RBFOX1: variants seen among roughly 807,000 people sequenced by gnomAD.
The protein encoded by RBFOX1 is RNA binding fox-1 homolog 1.
In RBFOX1, 8 loss-of-function variants were observed where a neutral mutation model predicts 57.7. That is an observed-to-expected ratio of 0.14 (90% confidence interval 0.08 to 0.25). RBFOX1 has a LOEUF of 0.25. RBFOX1 is among the 10% of genes least tolerant of loss of function. RBFOX1 has a pLI of 1.00. For synonymous variants in RBFOX1, 326 were observed against 222.4 expected (o/e 1.47, Z -4.15); for missense variants, 611 against 548.5 (o/e 1.11, Z -1.14).
At chr16:6,250,605 CTT>C (rs1050554394) in intron 1 of RBFOX1, among the ~76,000 whole-genome samples, 2 of 152,104 alleles carry the variant, frequency 1.3e-5, no homozygotes, top group Non-Finnish European at 2.9e-5. Context: ...ACCCAGGCCT[CTT>C]TTATGCTCTG....
intron 3 of RBFOX1, among the ~76,000 whole-genome samples, chr16:6,808,082 TACTC>T (rs953748229): frequency 4.7e-5 from 7 of 150,394 alleles, no homozygotes; most frequent in African/African-American, 1.5e-4. Flanking sequence ...TATATAATCA[TACTC>T]AATAGAACTA....
At chr16:7,146,222 C>G (rs1452347821) in intron 4 of RBFOX1, among the ~76,000 whole-genome samples, 3 of 64,864 alleles carry the variant, frequency 4.6e-5, no homozygotes, top group Non-Finnish European at 7.0e-5. Flanking sequence ...GATACTGGGC[C>G]TCACAATCCA....
chr16:6,484,109 G>T (rs990981227), intron 2 of RBFOX1, among the ~76,000 whole-genome samples: 1 of 152,132 alleles, frequency 6.6e-6, no homozygotes, highest in Admixed American at 6.5e-5. Flanking sequence ...AATGCTCATT[G>T]GCTCCGTTTA....
chr16:6,815,057 T>C (rs2089756277), intron 3 of RBFOX1, among the ~76,000 whole-genome samples: 1 of 152,152 alleles, frequency 6.6e-6, no homozygotes, highest in African/African-American at 2.4e-5. Context: ...TCATAGTTTT[T>C]CCCGGAAAGC....
At chr16:6,133,840 C>T (rs903978088) in intron 1 of RBFOX1, among the ~76,000 whole-genome samples, 1 of 152,198 alleles carries the variant, frequency 6.6e-6, no homozygotes, top group East Asian at 1.9e-4. Flanking sequence ...AGTACACACA[C>T]ACACACGTTT....
intron 3 of RBFOX1, among the ~76,000 whole-genome samples, chr16:6,815,939 A>G (rs1026814051): frequency 6.6e-6 from 1 of 152,244 alleles, no homozygotes; most frequent in African/African-American, 2.4e-5. Flanking sequence ...GAAGTAAGAA[A>G]CTTGAAGATC....
chr16:7,066,815 C>G (rs2056165972), intron 4 of RBFOX1, among the ~76,000 whole-genome samples: 1 of 152,126 alleles, frequency 6.6e-6, no homozygotes, highest in African/African-American at 2.4e-5. Flanking sequence ...ATAAGAGGAG[C>G]ACTTGATGTC....
chr16:5,560,865 C>G (rs1185270235), intron 2 of RBFOX1, among the ~76,000 whole-genome samples: 1 of 152,200 alleles, frequency 6.6e-6, no homozygotes, highest in Non-Finnish European at 1.5e-5. Flanking sequence ...CACTCTGCCT[C>G]TGAAGGCAGC....
chr16:7,205,538 A>G (rs926673282), intron 4 of RBFOX1, among the ~76,000 whole-genome samples: 1 of 151,966 alleles, frequency 6.6e-6, no homozygotes, highest in Non-Finnish European at 1.5e-5. Flanking sequence ...AGAAAAAGAA[A>G]AAAAAGAAAA....
intron 4 of RBFOX1, among the ~76,000 whole-genome samples, chr16:7,289,077 C>T (rs1603503183): frequency 6.6e-6 from 1 of 152,008 alleles, no homozygotes; most frequent in Non-Finnish European, 1.5e-5. Flanking sequence ...ACAGAGTTAC[C>T]CAGAAGAACA....
At chr16:7,597,225 T>C (rs987333649) in intron 8 of RBFOX1, 146 bp from the exon 9 acceptor site, 3 of 539,000 alleles carry the variant, frequency 5.6e-6, no homozygotes, top group South Asian at 5.9e-5. Context: ...GATTTTGTTA[T>C]GCACCTACTG....
At chr16:5,834,244 T>C (rs2056378630) in intron 3 of RBFOX1, among the ~76,000 whole-genome samples, 1 of 152,194 alleles carries the variant, frequency 6.6e-6, no homozygotes, top group African/African-American at 2.4e-5. Flanking sequence ...TTGTACCCAG[T>C]AGGTAGTTTT....
intron 2 of RBFOX1, among the ~76,000 whole-genome samples, chr16:6,541,009 A>G (rs1287017756): frequency 6.6e-6 from 1 of 152,212 alleles, no homozygotes; most frequent in African/African-American, 2.4e-5. Flanking sequence ...AAGAGCAAGC[A>G]TGAGTGAATC....
At chr16:7,617,846 T>G (rs1220715026) in intron 10 of RBFOX1, among the ~76,000 whole-genome samples, 1 of 152,136 alleles carries the variant, frequency 6.6e-6, no homozygotes, top group Non-Finnish European at 1.5e-5. Flanking sequence ...CAAGGCTCTC[T>G]GCATGAGGAG....
chr16:7,671,647 T>G (rs760615300), intron 13 of RBFOX1: 2 of 1,539,372 alleles, frequency 1.3e-6, no homozygotes, highest in East Asian at 2.2e-5. Flanking sequence ...GATTGTGGGT[T>G]TGCTGTGAAA....
At chr16:6,957,512 C>G (rs910225843) in intron 3 of RBFOX1, among the ~76,000 whole-genome samples, 1 of 152,150 alleles carries the variant, frequency 6.6e-6, no homozygotes, top group Non-Finnish European at 1.5e-5. Context: ...TATAAACTTT[C>G]ACCGTGCTGG....
intron 13 of RBFOX1, among the ~76,000 whole-genome samples, chr16:7,675,144 A>G (rs1453806523): frequency 6.6e-6 from 1 of 152,220 alleles, no homozygotes; most frequent in Non-Finnish European, 1.5e-5. Flanking sequence ...GCACACCTGT[A>G]TCTTTCTGTG....
intron 4 of RBFOX1, among the ~76,000 whole-genome samples, chr16:5,941,419 G>A (rs35176794): frequency 0.34 from 52,069 of 151,300 alleles, 9,223 homozygotes; most frequent in Middle Eastern, 0.48. Context: ...GAGCCCAGGA[G>A]TTTGACATTG....
intron 2 of RBFOX1, among the ~76,000 whole-genome samples, chr16:5,588,148 C>A (rs996815420): frequency 2.0e-5 from 3 of 152,052 alleles, no homozygotes; most frequent in African/African-American, 4.8e-5. Flanking sequence ...CATGAAAGTC[C>A]CACACAAATA....
Sources: gnomAD v4.1 joint callset for allele counts (sites outside exome capture counted in the v4.1 genomes callset) on GRCh38, gnomAD v4.1.1 for gene constraint, MANE v1.5 for transcripts, NCBI Gene and HGNC (gene_info 2026-07-23, HGNC 2026-07-21) for gene names.